The following SULT1B1 variants were observed in gnomAD, a reference collection of about 807,000 sequenced individuals.
The protein encoded by SULT1B1 is sulfotransferase family 1B member 1, also known as sulfotransferase 1B1.
SULT1B1 carries 28 observed loss-of-function variants against 34.6 expected under a neutral mutation model. The observed-to-expected ratio is 0.81, with a 90% confidence interval of 0.60 to 1.11. The LOEUF (loss-of-function observed/expected upper bound fraction) is 1.11, where lower values mean the gene tolerates loss of function less well. SULT1B1 is among the 50% of genes least tolerant of loss of function. SULT1B1 has a pLI of 0.00. For synonymous variants in SULT1B1, 147 were observed against 110.2 expected, an observed-to-expected ratio of 1.33 and a Z score of -2.09; for missense variants, 374 against 352.2, an observed-to-expected ratio of 1.06 and a Z score of -0.50.
intron 6 of SULT1B1, among the ~76,000 whole-genome samples, chr4:69,732,668 A>G (rs17147604): frequency 0.018 from 2,777 of 151,528 alleles, 83 homozygotes; most frequent in African/African-American, 0.065. Flanking sequence ...TGGCAATTTA[A>G]GTAGAAGAGT....
intron 4 of SULT1B1, among the ~76,000 whole-genome samples, chr4:69,735,221 G>A (rs562794700): frequency 6.6e-6 from 1 of 152,278 alleles, no homozygotes; most frequent in African/African-American, 2.4e-5. Context: ...TGCCAATGTG[G>A]TGAGTTCCTC....
At chr4:69,760,029 C>T (rs1384939506) in intron 1 of SULT1B1, among the ~76,000 whole-genome samples, 1 of 152,206 alleles carries the variant, frequency 6.6e-6, no homozygotes, top group African/African-American at 2.4e-5. Context: ...ATCTGATACA[C>T]ATCAAATCAA....
At position 69,723,324 on chromosome 4, in the gene SULT1B1, G is replaced by C. The variant is rs9762506; in HGVS notation, c.*3764C>G. 13,577 of 152,130 alleles carry C rather than the reference G, an allele frequency of 0.089. 854 individuals carry two copies. Among genetic ancestry groups the C allele is most frequent in the East Asian group, 0.37 (1,924 of 5,152 alleles). The allele number at this position is 152,130 out of a possible 1,614,324, so 9.4% of individuals were successfully genotyped here. ...CATACACCCTCCCAAGAATAAACCAGGAAGAAGTTGAATCTCTGAATAGAA... is the reference window on the plus strand; with the variant it reads ...CATACACCCTCCCAAGAATAAACCACGAAGAAGTTGAATCTCTGAATAGAA... On this transcript the variant is annotated 3_prime_UTR_variant, in exon 8 of 8. Coordinates refer to ENST00000310613, the MANE Select transcript of SULT1B1 (RefSeq NM_014465.4).
chr4:69,740,095 T>C (rs1384349990), intron 4 of SULT1B1, among the ~76,000 whole-genome samples: 1 of 152,228 alleles, frequency 6.6e-6, no homozygotes, highest in Non-Finnish European at 1.5e-5. Context: ...TTTCCTGTCG[T>C]CTTCTGAGTC....
At chr4:69,728,160 A>T (rs1413228228) in intron 7 of SULT1B1, among the ~76,000 whole-genome samples, 1 of 152,080 alleles carries the variant, frequency 6.6e-6, no homozygotes, top group African/African-American at 2.4e-5. Flanking sequence ...ATCCGTAAGG[A>T]TGTCATTAAA....
intron 4 of SULT1B1, among the ~76,000 whole-genome samples, chr4:69,746,769 C>G (rs187869733): frequency 1.1e-4 from 16 of 152,334 alleles, no homozygotes; most frequent in Non-Finnish European, 2.2e-4. Context: ...AAAAGACACT[C>G]TGGCTTTTAG....
chr4:69,748,228 G>A (rs1221256973), intron 4 of SULT1B1, among the ~76,000 whole-genome samples: 1 of 152,064 alleles, frequency 6.6e-6, no homozygotes, highest in Non-Finnish European at 1.5e-5. Context: ...AAAACTAGGA[G>A]TGGCTATATC....
chr4:69,760,487 T>G lies in SULT1B1; in HGVS notation c.-73A>C, dbSNP rs1237657992. The G allele has an allele frequency of 1.3e-5, 2 of 152,302 alleles. No individual in the cohort carries two copies. Among genetic ancestry groups the G allele is most frequent in the Non-Finnish European group, 2.9e-5 (2 of 68,136 alleles). The allele number at this position is 152,302 out of a possible 1,614,324, so 9.4% of individuals were successfully genotyped here. On this transcript the variant is annotated 5_prime_UTR_variant, in exon 1 of 8. Coordinates refer to ENST00000310613, the MANE Select transcript of SULT1B1 (RefSeq NM_014465.4). ...ACAATTTAATCCCTTTGTTCAGTTT[T>G]CATTTTCAGGCAGTGAAGCTGCTGT...
At chr4:69,730,445 T>A (rs1718027876) in intron 7 of SULT1B1, 56 bp downstream of exon 7, 4 of 1,497,470 alleles carry the variant, frequency 2.7e-6, no homozygotes, top group Non-Finnish European at 3.7e-6. Flanking sequence ...AATCCTTAGC[T>A]CATGATAATT....
chr4:69,757,568 C>G (rs1226457758), intron 1 of SULT1B1, among the ~76,000 whole-genome samples: 15 of 151,824 alleles, frequency 9.9e-5, no homozygotes, highest in Admixed American at 9.8e-4. Flanking sequence ...AACTCCTCCA[C>G]CATCACTACC....
At chr4:69,731,347 T>C (rs1168570511) in intron 6 of SULT1B1, among the ~76,000 whole-genome samples, 1 of 152,212 alleles carries the variant, frequency 6.6e-6, no homozygotes, top group Non-Finnish European at 1.5e-5. Flanking sequence ...AATGATCTGA[T>C]GAAACAGTTT....
At position 69,752,185 on chromosome 4, in the gene SULT1B1, G is replaced by A. The variant is rs536067529; in HGVS notation, c.278-2367C>T. Among the ~76,000 whole-genome samples the A allele has an allele frequency of 6.3e-4, 96 of 152,290 alleles. 1 individual carries two copies. The highest frequency in any genetic ancestry group is 3.4e-3 in the Middle Eastern group (1 of 294). Reference sequence around the variant, plus strand: ...TTTGTAATGCTAAGTAAAAAATGTTGAGTATTTATACTTGAATTTTAAGTT... The same window carrying A: ...TTTGTAATGCTAAGTAAAAAATGTTAAGTATTTATACTTGAATTTTAAGTT... On this transcript the variant is annotated intron_variant, in intron 3 of 7. Transcript: ENST00000310613.
At chr4:69,747,001 G>A (rs1718772856) in intron 4 of SULT1B1, among the ~76,000 whole-genome samples, 1 of 152,292 alleles carries the variant, frequency 6.6e-6, no homozygotes, top group African/African-American at 2.4e-5. Context: ...TATGTGCTCT[G>A]TCTCTACGGG....
intron 7 of SULT1B1, among the ~76,000 whole-genome samples, chr4:69,728,149 C>T (rs951468718): frequency 1.3e-5 from 2 of 151,958 alleles, no homozygotes; most frequent in Admixed American, 1.3e-4. Context: ...GGGGCTAATG[C>T]ATCCGTAAGG....
At chr4:69,730,466 T>C in intron 7 of SULT1B1, 35 bp downstream of exon 7, 1 of 1,560,964 alleles carries the variant, frequency 6.4e-7, no homozygotes. Context: ...CATAAGAAAG[T>C]ACGAAAGGGA....
At chr4:69,731,145 A>G (rs2110017441) in intron 6 of SULT1B1, among the ~76,000 whole-genome samples, 1 of 152,322 alleles carries the variant, frequency 6.6e-6, no homozygotes, top group Admixed American at 6.5e-5. Context: ...ATCAGTACCA[A>G]TCAGTGGCCT....
In SULT1B1 at chr4:69,724,551, C is replaced by G. The variant is rs997583817; in HGVS notation, c.*2537G>C. ...AAGTTCATAAGAAACCAAAAAAGAG[C>G]CCGCATTGCCAAGTCAATCCTAAGC... On this transcript the variant is annotated 3_prime_UTR_variant, in exon 8 of 8. Transcript: ENST00000310613. 12 of 152,150 alleles carry G rather than the reference C, an allele frequency of 7.9e-5. No homozygotes were observed. Among genetic ancestry groups the G allele is most frequent in the African/African-American group, 2.7e-4 (11 of 41,434 alleles). The allele number at this position is 152,150 out of a possible 1,614,324, so 9.4% of individuals were successfully genotyped here. A position where few individuals can be genotyped will look rare whatever the true frequency, so the allele number is the denominator to read the frequency against.
At chr4:69,732,494 A>G (rs1418152793) in intron 6 of SULT1B1, among the ~76,000 whole-genome samples, 1 of 152,094 alleles carries the variant, frequency 6.6e-6, no homozygotes, top group Non-Finnish European at 1.5e-5. Context: ...GCCCCTGTTT[A>G]TGTTGTATGC....
intron 4 of SULT1B1, among the ~76,000 whole-genome samples, chr4:69,735,489 C>A (rs115518463): frequency 6.6e-6 from 1 of 152,144 alleles, no homozygotes; most frequent in East Asian, 1.9e-4. Flanking sequence ...CAAACTCCTG[C>A]GATATAAACG....
Sources: gnomAD v4.1 joint callset for allele counts (sites outside exome capture counted in the v4.1 genomes callset) on GRCh38, gnomAD v4.1.1 for gene constraint, MANE v1.5 for transcripts, NCBI Gene and HGNC (gene_info 2026-07-23, HGNC 2026-07-21) for gene names.